IGF2R: variants seen among roughly 807,000 people sequenced by gnomAD.
IGF2R encodes the protein insulin like growth factor 2 receptor.
A neutral mutation model predicts 270.6 loss-of-function variants in IGF2R; 91 were observed. The observed-to-expected ratio is 0.34, with a 90% CI of 0.28 to 0.40. The LOEUF is 0.40. Ranked by LOEUF, IGF2R falls within the 10% of genes least tolerant of loss-of-function variation. IGF2R has a pLI of 1.00. For synonymous variants in IGF2R, 1,316 were observed against 1,258.9 expected (o/e 1.05, Z -0.96); for missense variants, 2,805 against 3,188.3 (o/e 0.88, Z 2.90).
chr6:160,105,089 G>T lies in IGF2R; in HGVS notation c.*5G>T, dbSNP rs879840002. The T allele has an allele frequency of 6.4e-7, 1 of 1,555,126 alleles. No individual in the cohort carries two copies. The highest frequency in any genetic ancestry group is 2.3e-5 in the East Asian group (1 of 43,318). On this transcript the variant is annotated 3_prime_UTR_variant, in exon 48 of 48. Transcript: ENST00000356956. Reference sequence around the variant, plus strand: ...GAGGACCTCTTACACATCTGACTCCGCAGTGCCTGCAGGGGAGCACGGAGC... The same window carrying T: ...GAGGACCTCTTACACATCTGACTCCTCAGTGCCTGCAGGGGAGCACGGAGC...
At position 160,023,605 on chromosome 6, in the gene IGF2R, G is replaced by A. The variant is rs907980887; in HGVS notation, c.514-967G>A. On this transcript the variant is annotated intron_variant, in intron 4 of 47. Transcript: ENST00000356956. ...TCATTATTCCAGTATGGCACGTGGG[G>A]AAGCTGAGGCATGGAGGTTAACTTC... 2.0e-5 allele frequency among the ~76,000 whole-genome samples: 3 copies of A among 152,182 alleles called. No individual in the cohort carries two copies. In the East Asian group the frequency reaches 5.8e-4, roughly 29 times the overall value.
intron 1 of IGF2R, among the ~76,000 whole-genome samples, chr6:159,984,575 G>A (rs945264845): frequency 6.6e-6 from 1 of 152,174 alleles, no homozygotes; most frequent in African/African-American, 2.4e-5. Flanking sequence ...AGTTGCCTGG[G>A]GTATTCAGTG....
rs981056345 is a variant in IGF2R, at chr6:160,110,847, C to T, written c.*5763C>T. 2.7e-4 allele frequency: 41 copies of T among 152,178 alleles called. No individual in the cohort carries two copies. Among genetic ancestry groups the T allele is most frequent in the Admixed American group, 2.6e-3 (40 of 15,282 alleles). 9.4% of individuals were successfully genotyped at this position (152,178 alleles called of 1,614,324 possible). On this transcript the variant is annotated 3_prime_UTR_variant, in exon 48 of 48. Coordinates refer to ENST00000356956, the MANE Select transcript of IGF2R (RefSeq NM_000876.4). Reference sequence around the variant, plus strand: ...GAAAGAAAAATACCAGATGATCTCACTTATATGTGGAATCTAAAAAGGTTG... The same window carrying T: ...GAAAGAAAAATACCAGATGATCTCATTTATATGTGGAATCTAAAAAGGTTG...
chr6:160,038,471 C>T (rs1470301655), intron 10 of IGF2R, among the ~76,000 whole-genome samples: 2 of 152,178 alleles, frequency 1.3e-5, no homozygotes, highest in Non-Finnish European at 2.9e-5. Context: ...ATTAGTATGT[C>T]TCAGATGTAA....
At chr6:160,075,806 T>C in intron 35 of IGF2R, 41 bp from the exon 36 acceptor site, 3 of 1,601,080 alleles carry the variant, frequency 1.9e-6, no homozygotes, top group Non-Finnish European at 1.7e-6. Context: ...TTGGGAATGG[T>C]TAATTTCCTG....
chr6:160,021,636 AC>A (rs1484033981), intron 4 of IGF2R, among the ~76,000 whole-genome samples: 1 of 151,946 alleles, frequency 6.6e-6, no homozygotes, highest in African/African-American at 2.4e-5. Context: ...AAAAAAATAA[AC>A]TGCATATATG....
At chr6:159,985,504 G>A (rs540181944) in intron 1 of IGF2R, among the ~76,000 whole-genome samples, 3 of 152,216 alleles carry the variant, frequency 2.0e-5, no homozygotes, top group East Asian at 1.9e-4. Flanking sequence ...GGTGAGAGCC[G>A]TGCTGTCATG....
At chr6:160,028,376 A>T (rs1388645253) in intron 6 of IGF2R, among the ~76,000 whole-genome samples, 2 of 152,266 alleles carry the variant, frequency 1.3e-5, no homozygotes, top group Admixed American at 6.5e-5. Flanking sequence ...CTCCAAATAT[A>T]GTCACATGCT....
chr6:160,058,218 C>T (rs926066855), intron 21 of IGF2R, 94 bp downstream of exon 21: 2 of 812,598 alleles, frequency 2.5e-6, no homozygotes, highest in Non-Finnish European at 4.3e-6. Context: ...AGAGAATTGC[C>T]CAGGCCACTG....
chr6:159,992,805 T>C (rs954150674), intron 2 of IGF2R, among the ~76,000 whole-genome samples: 32 of 152,230 alleles, frequency 2.1e-4, no homozygotes, highest in African/African-American at 7.5e-4. Context: ...GGAATGGTAG[T>C]TCTATTTTTA....
At position 159,981,712 on chromosome 6, in the gene IGF2R, T is replaced by C. The variant is rs3798204; in HGVS notation, c.150-9472T>C. Among the ~76,000 whole-genome samples, 1,323 of 152,318 alleles carry C rather than the reference T, an allele frequency of 8.7e-3. 54 individuals are homozygous for C. In the East Asian group the frequency reaches 0.099, roughly 11 times the overall value. On this transcript the variant is annotated intron_variant, in intron 1 of 47. Transcript: ENST00000356956. ...GTTAGTCAGCGCTGGGGCAGGAATC[T>C]GGCCCAGGCCCTTCATGGCACCTTT...
At chr6:159,991,957 G>C (rs1783985805) in intron 2 of IGF2R, among the ~76,000 whole-genome samples, 3 of 152,242 alleles carry the variant, frequency 2.0e-5, no homozygotes, top group African/African-American at 7.2e-5. Flanking sequence ...AGGTTACATA[G>C]AGTGGAGTCA....
At position 160,073,861 on chromosome 6, in the gene IGF2R, C is replaced by G; in HGVS notation, c.5052C>G (p.Ser1684=). 6.2e-7 allele frequency: 1 copy of G among 1,613,916 alleles called. No individual in the cohort carries two copies. The highest frequency in any genetic ancestry group is 8.5e-7 in the Non-Finnish European group (1 of 1,179,822). The change falls in exon 35 of 48, where the codon TCC becomes TCG. Residue 1684 remains serine, a synonymous_variant. Coordinates refer to ENST00000356956, the MANE Select transcript of IGF2R (RefSeq NM_000876.4). ...ATGATGAGAGTGAGGATGATGCCTCCGATACCAACCCTGATTTCTACATCA... is the reference window on the plus strand; with the variant it reads ...ATGATGAGAGTGAGGATGATGCCTCGGATACCAACCCTGATTTCTACATCA... The part of the protein sequence containing the change: ...EAYDESEDDA[S]DTNPDFYINI...
intron 5 of IGF2R, among the ~76,000 whole-genome samples, chr6:160,025,576 A>G (rs971508880): frequency 9.2e-5 from 14 of 152,354 alleles, no homozygotes; most frequent in Admixed American, 9.1e-4. Flanking sequence ...ATATATATAC[A>G]TTATGTACTA....
rs138273227 is a variant in IGF2R at position 160,079,762 on chromosome 6, C to T, written c.5661C>T (p.Tyr1887=). 152 of 1,457,442 alleles carry T rather than the reference C, an allele frequency of 1.0e-4. No individual in the cohort carries two copies. In the Admixed American group the frequency reaches 1.1e-3, roughly 11 times the overall value. The allele number at this position is 1,457,442 out of a possible 1,614,324, so 90.3% of individuals were successfully genotyped here. ...AGGATGAAGCGGTCGTTTTAAGTTACGTGAATGGTGATCGTTGCCCTCCAG... is the reference window on the plus strand; with the variant it reads ...AGGATGAAGCGGTCGTTTTAAGTTATGTGAATGGTGATCGTTGCCCTCCAG... The part of the protein sequence containing the change: ...RHQDEAVVLS[Y]VNGDRCPPET... Residue 1887 remains tyrosine, a synonymous_variant, in exon 38 of 48, where the codon TAC becomes TAT. Transcript: ENST00000356956.
At chr6:160,077,370 T>G (rs1052196836) in intron 36 of IGF2R, among the ~76,000 whole-genome samples, 6 of 152,242 alleles carry the variant, frequency 3.9e-5, no homozygotes, top group African/African-American at 1.4e-4. Context: ...AAGGACAGTC[T>G]TCACTTCTAA....
In IGF2R at chr6:160,089,230, C is replaced by T. The variant is rs1779165332; in HGVS notation, c.6444C>T (p.Phe2148=). The change falls in exon 43 of 48, where the codon TTC becomes TTT. Residue 2148 remains phenylalanine (F), a synonymous_variant. Transcript: ENST00000356956. ...TITNPINGKS[F]SLGDIYFKLF... ...CCAACCCTATAAATGGCAAGAGCTT[C>T]AGCCTCGGAGATATTTATTTTAAGT... 6.2e-7 allele frequency: 1 copy of T among 1,610,332 alleles called. No homozygotes were observed. The highest frequency in any genetic ancestry group is 8.5e-7 in the Non-Finnish European group (1 of 1,177,220).
At chr6:160,025,889 A>G (rs1777549730) in intron 5 of IGF2R, among the ~76,000 whole-genome samples, 1 of 152,248 alleles carries the variant, frequency 6.6e-6, no homozygotes, top group South Asian at 2.1e-4. Context: ...AACATTTTAC[A>G]GATCATCTGA....
intron 31 of IGF2R, among the ~76,000 whole-genome samples, chr6:160,071,137 GC>G (rs1174709425): frequency 1.3e-5 from 2 of 149,898 alleles, no homozygotes; most frequent in African/African-American, 4.9e-5. Context: ...GTGTGTGGGG[GC>G]CTCTGTGCCC....
Sources: gnomAD v4.1 joint callset for allele counts (sites outside exome capture counted in the v4.1 genomes callset) on GRCh38, gnomAD v4.1.1 for gene constraint, MANE v1.5 for transcripts, NCBI Gene and HGNC (gene_info 2026-07-23, HGNC 2026-07-21) for gene names.